Variants in COL23A1 observed in about 807,000 individuals in gnomAD.
The protein encoded by COL23A1 is collagen type XXIII alpha 1 chain.
In COL23A1, 97 loss-of-function variants were observed where a neutral mutation model predicts 99.3. That is an observed-to-expected ratio of 0.98 (90% CI 0.83 to 1.16). The LOEUF (loss-of-function observed/expected upper bound fraction) is 1.16, where lower values mean the gene tolerates loss of function less well. COL23A1 is among the 50% of genes most tolerant of loss of function. The pLI, the probability that COL23A1 is intolerant of heterozygous loss-of-function variation, is 0.00. For missense variants in COL23A1, 762 were observed against 757.4 expected (o/e 1.01, Z -0.07); for synonymous variants, 320 against 308.2 (o/e 1.04, Z -0.40).
intron 2 of COL23A1, among the ~76,000 whole-genome samples, chr5:178,373,721 G>A (rs10040494): frequency 0.076 from 11,608 of 152,208 alleles, 767 homozygotes; most frequent in African/African-American, 0.18. Context: ...TGGCCCTGCC[G>A]TGCACTTTAA....
At chr5:178,580,327 CAA>C (rs139837263) in intron 1 of COL23A1, among the ~76,000 whole-genome samples, 21 of 113,952 alleles carry the variant, frequency 1.8e-4, no homozygotes, top group Admixed American at 2.8e-4. Flanking sequence ...GACTCCATCT[CAA>C]AAAAAAAAAA....
At chr5:178,524,328 A>G (rs940361878) in intron 2 of COL23A1, among the ~76,000 whole-genome samples, 22 of 152,142 alleles carry the variant, frequency 1.4e-4, no homozygotes, top group Admixed American at 2.0e-4. Flanking sequence ...CAGTGGAAAG[A>G]GACCCTCTCT....
intron 9 of COL23A1, 44 bp downstream of exon 9, chr5:178,263,164 T>C (rs375645055): frequency 7.1e-7 from 1 of 1,411,774 alleles, no homozygotes; most frequent in African/African-American, 1.4e-5. Context: ...GGATTTGGGG[T>C]TTTGGTCAAG....
intron 2 of COL23A1, among the ~76,000 whole-genome samples, chr5:178,441,942 T>C (rs1194857977): frequency 6.6e-6 from 1 of 152,146 alleles, no homozygotes. Flanking sequence ...AGCCTAAGCA[T>C]GACCAGGCAG....
chr5:178,264,308 G>C (rs527320964), intron 8 of COL23A1, among the ~76,000 whole-genome samples: 9 of 149,598 alleles, frequency 6.0e-5, no homozygotes, highest in African/African-American at 2.2e-4. Context: ...ACAATTACAT[G>C]TAAATCTACA....
At position 178,485,430 on chromosome 5, in the gene COL23A1, G is replaced by T. The variant is rs540843050; in HGVS notation, c.361+75252C>A. Among the ~76,000 whole-genome samples the T allele has an allele frequency of 9.2e-5, 14 of 151,518 alleles. 1 individual carries two copies. The South Asian group carries it at 2.9e-3, about 32-fold the overall frequency. On this transcript the variant is annotated intron_variant, in intron 2 of 28. Coordinates refer to ENST00000390654, the MANE Select transcript of COL23A1 (RefSeq NM_173465.4). ...GTTGAGGCTACCGTGACCTAGGATT[G>T]CACCACTGCACTCCAGCCTGGGTGA...
chr5:178,381,913 G>A (rs977444053), intron 2 of COL23A1, among the ~76,000 whole-genome samples: 5 of 152,204 alleles, frequency 3.3e-5, no homozygotes, highest in Non-Finnish European at 5.9e-5. Context: ...TGGGATTACA[G>A]GCACGAACCA....
At position 178,387,229 on chromosome 5, in the gene COL23A1, C is replaced by A. The variant is rs769673315; in HGVS notation, c.362-80310G>T. On this transcript the variant is annotated intron_variant, in intron 2 of 28. Transcript: ENST00000390654. The surrounding 1 kb of genome is among the most constrained non-coding windows in gnomAD (Gnocchi z 4.7). ...CAATGGCCCCCACACACAGCCTCAC[C>A]GAGGAAAGCCACGTTCTGTAGCCTG... Among the ~76,000 whole-genome samples the A allele has an allele frequency of 1.3e-5, 2 of 152,134 alleles. No homozygotes were observed. Among genetic ancestry groups the A allele is most frequent in the African/African-American group, 2.4e-5 (1 of 41,432 alleles).
At chr5:178,244,146 ATTTT>A (rs59008283) in intron 25 of COL23A1, among the ~76,000 whole-genome samples, 1 of 141,144 alleles carries the variant, frequency 7.1e-6, no homozygotes, top group East Asian at 2.1e-4. Flanking sequence ...TGCCTGGCTA[ATTTT>A]TTTTTTTTTT....
intron 6 of COL23A1, among the ~76,000 whole-genome samples, chr5:178,269,550 TCATCCATC>T (rs57845966): frequency 1.6e-5 from 1 of 60,760 alleles, no homozygotes; most frequent in African/African-American, 6.7e-5. Context: ...CACCCATCCA[TCATCCATC>T]CATCCATCCA....
chr5:178,360,018 C>G (rs1762091664), intron 2 of COL23A1, among the ~76,000 whole-genome samples: 1 of 152,200 alleles, frequency 6.6e-6, no homozygotes, highest in East Asian at 1.9e-4. Flanking sequence ...GTGAGACAAG[C>G]AGCCGCTCGC....
rs1380215481 is a variant in COL23A1 at position 178,302,073 on chromosome 5, CCGCTCTGTGTGT to C, written c.406+4790_406+4801del. 8.4e-4 allele frequency among the ~76,000 whole-genome samples: 121 copies of C among 144,714 alleles called. 22 individuals are homozygous for C. Among genetic ancestry groups the C allele is most frequent in the Non-Finnish European group, 8.0e-4 (53 of 66,226 alleles). 94.9% of individuals were successfully genotyped at this position (144,714 alleles called of 152,430 possible). A position where few individuals can be genotyped will look rare whatever the true frequency, so the allele number is the denominator to read the frequency against. On this transcript the variant is annotated intron_variant, in intron 3 of 28. Transcript: ENST00000390654. ...CTTCAATGCTGCACCTCTGTGTGTG[CCGCTCTGTGTGT>C]GCCGGAGCACGGCTTCAATGCTGCA...
intron 2 of COL23A1, among the ~76,000 whole-genome samples, chr5:178,334,415 C>T (rs1760207257): frequency 1.3e-5 from 2 of 152,256 alleles, no homozygotes; most frequent in Admixed American, 1.3e-4. Flanking sequence ...AAGGGGGCCA[C>T]CGGGCGGCAC....
chr5:178,411,768 T>C (rs1478920416), intron 2 of COL23A1, among the ~76,000 whole-genome samples: 1 of 152,248 alleles, frequency 6.6e-6, no homozygotes, highest in Non-Finnish European at 1.5e-5. Flanking sequence ...CACTTAATTT[T>C]GTGCTATATG....
intron 2 of COL23A1, among the ~76,000 whole-genome samples, chr5:178,370,363 C>T (rs1762731725): frequency 6.6e-6 from 1 of 152,056 alleles, no homozygotes; most frequent in Non-Finnish European, 1.5e-5. Context: ...TCATTTGAGA[C>T]AATATGTGTG....
intron 2 of COL23A1, chr5:178,345,361 G>A (rs528033997): frequency 4.1e-6 from 2 of 484,768 alleles, no homozygotes; most frequent in Admixed American, 5.7e-5. Flanking sequence ...CTGAGCAAGG[G>A]GCCTGCTTAT....
At chr5:178,364,515 C>G (rs1200701225) in intron 2 of COL23A1, among the ~76,000 whole-genome samples, 1 of 150,674 alleles carries the variant, frequency 6.6e-6, no homozygotes, top group African/African-American at 2.5e-5. Context: ...GCTTGTTCAT[C>G]TGGTGGAGTT....
intron 2 of COL23A1, among the ~76,000 whole-genome samples, chr5:178,312,904 G>T (rs1022296928): frequency 1.3e-5 from 2 of 152,202 alleles, no homozygotes; most frequent in Non-Finnish European, 2.9e-5. Context: ...CAGAAGTCAA[G>T]AATTACTACC....
At chr5:178,585,033 T>C (rs1250307866) in intron 1 of COL23A1, among the ~76,000 whole-genome samples, 1 of 152,228 alleles carries the variant, frequency 6.6e-6, no homozygotes, top group Non-Finnish European at 1.5e-5. Context: ...CCAACGGGAC[T>C]GTGCCAGAGA....
Sources: allele counts gnomAD v4.1 joint callset (sites outside exome capture counted in the v4.1 genomes callset), GRCh38; gene constraint gnomAD v4.1.1; non-coding constraint Gnocchi (gnomAD v3.1); transcripts MANE v1.5; gene names NCBI Gene and HGNC (gene_info 2026-07-23, HGNC 2026-07-21).